EP400: variants seen among roughly 807,000 people sequenced by gnomAD.
EP400 encodes E1A-binding protein p400.
In EP400, 105 loss-of-function variants were observed where a neutral mutation model predicts 354.1. That is an observed-to-expected ratio of 0.30 (90% CI 0.25 to 0.35). The LOEUF is 0.35. EP400 is among the 10% of genes least tolerant of loss of function. The probability of loss-of-function intolerance (pLI) is 1.00; values close to 1 mark genes in which losing one functional copy is unlikely to be tolerated. For missense variants in EP400, 3,280 were observed against 4,121.0 expected, an observed-to-expected ratio of 0.80 and a Z score of 5.59; for synonymous variants, 1,646 against 1,716.9, an observed-to-expected ratio of 0.96 and a Z score of 1.02.
chr12:131,962,000 T>C (rs758168225), intron 2 of EP400, 46 bp downstream of exon 2: 20 of 1,556,896 alleles, frequency 1.3e-5, no homozygotes, highest in Non-Finnish European at 1.7e-5. Flanking sequence ...TTCTAGATGA[T>C]CAGAGTCTAT....
chr12:132,046,381 G>A (rs1853059336), intron 39 of EP400, among the ~76,000 whole-genome samples: 1 of 152,124 alleles, frequency 6.6e-6, no homozygotes, highest in Non-Finnish European at 1.5e-5. Context: ...GAAGGTTTTG[G>A]GTGAATGAAA....
chr12:131,999,201 G>A (rs1593336744), intron 12 of EP400, among the ~76,000 whole-genome samples: 3 of 151,966 alleles, frequency 2.0e-5, no homozygotes, highest in African/African-American at 4.8e-5. Context: ...TGAGCTCTCC[G>A]TGGTGTTTTT....
At chr12:131,966,615 A>C (rs1892097539) in intron 2 of EP400, among the ~76,000 whole-genome samples, 1 of 149,904 alleles carries the variant, frequency 6.7e-6, no homozygotes. Flanking sequence ...TAAAAATTAA[A>C]AAATTAGGCC....
chr12:132,008,942 T>TTTTTG (rs1893674665), intron 15 of EP400, among the ~76,000 whole-genome samples: 1 of 132,636 alleles, frequency 7.5e-6, no homozygotes, highest in African/African-American at 2.8e-5. Context: ...TTTTTTTTTT[T>TTTTTG]AGGAGCTGTT....
chr12:132,005,062 C>G lies in EP400; in HGVS notation c.2828-15C>G. ...GTTATAAAGTAACAGCCCTTCTGCC[C>G]GCAACCCTCTGCAGCTGAGCTGCCC... is the stretch of plus-strand genomic sequence containing the variant. On this transcript the variant is annotated splice_polypyrimidine_tract_variant and intron_variant, in intron 12 of 52. Transcript: ENST00000389561. 1 of 1,559,678 alleles carries G rather than the reference C, an allele frequency of 6.4e-7. No individual in the cohort carries two copies. Among genetic ancestry groups the G allele is most frequent in the Non-Finnish European group, 8.7e-7 (1 of 1,149,422 alleles).
chr12:132,001,900 C>T (rs112020174), intron 12 of EP400, among the ~76,000 whole-genome samples: 2,279 of 152,146 alleles, frequency 0.015, 53 homozygotes, highest in African/African-American at 0.052. Flanking sequence ...TAATGATATT[C>T]GTATATAATC....
Position 132,052,459 on chromosome 12 carries a change from G to A in EP400, c.7395-687G>A, listed in dbSNP as rs1206406284. Reference sequence around the variant, plus strand: ...TGAGTGTGCTGGCAGCCGCGCCCCAGCCCTTCACTTAACTGCCCTCGTGAG... The same window carrying A: ...TGAGTGTGCTGGCAGCCGCGCCCCAACCCTTCACTTAACTGCCCTCGTGAG... On this transcript the variant is annotated intron_variant, in intron 41 of 52. Coordinates refer to ENST00000389561, the MANE Select transcript of EP400 (RefSeq NM_015409.5). The surrounding 1 kb of genome is among the most constrained non-coding windows in gnomAD (Gnocchi z 4.4). Among the ~76,000 whole-genome samples the A allele has an allele frequency of 6.6e-6, 1 of 152,228 alleles. No homozygotes were observed. The highest frequency in any genetic ancestry group is 1.9e-4 in the East Asian group (1 of 5,188).
At chr12:132,058,352 G>GTTTTTTTTTTTTTTTTTTT in intron 45 of EP400, among the ~76,000 whole-genome samples, 3 of 138,246 alleles carry the variant, frequency 2.2e-5, no homozygotes, top group African/African-American at 9.5e-5. Flanking sequence ...CTAAAGATTG[G>GTTTTTTTTTTTTTTTTTTT]ATTTTTTTTT....
In EP400 at chr12:132,070,733, A is replaced by G. The variant is rs1896042450; in HGVS notation, c.9021+1092A>G. 6.6e-6 allele frequency among the ~76,000 whole-genome samples: 1 copy of G among 152,142 alleles called. No individual in the cohort carries two copies. Among genetic ancestry groups the G allele is most frequent in the Admixed American group, 6.5e-5 (1 of 15,278 alleles). ...TCTTTTGTTACTTAAGTCTTTTTTA[A>G]TGCCTTTTAATGAAGTTTTCTAATA... On this transcript the variant is annotated intron_variant, in intron 51 of 52. Coordinates refer to ENST00000389561, the MANE Select transcript of EP400 (RefSeq NM_015409.5). The surrounding 1 kb of genome is among the most constrained non-coding windows in gnomAD (Gnocchi z 4.1).
chr12:131,967,859 A>T lies in EP400; in HGVS notation c.1335+5905A>T, dbSNP rs191296170. 1.1e-3 allele frequency among the ~76,000 whole-genome samples: 162 copies of T among 152,160 alleles called. No individual in the cohort carries two copies. In the Middle Eastern group the frequency reaches 0.037, roughly 35 times the overall value. On this transcript the variant is annotated intron_variant, in intron 2 of 52. Transcript: ENST00000389561. ...AATCATTCCAGGTCTAGTTTATTTT[A>T]ATTTGGATGTCTCTGAAGACTAATA...
rs1565926543 is a variant in EP400 at position 132,043,377 on chromosome 12, C to T, written c.6281C>T (p.Thr2094Ile). The change falls in exon 33 of 53, where the codon ACT (threonine) becomes ATT (isoleucine). Residue 2094 changes from threonine to isoleucine, a missense_variant. Around this residue, in one of 20 missense-constraint regions of EP400, gnomAD observed 54 missense variants for 41.3 expected, o/e 1.31. Transcript: ENST00000389561. ...SAQEGVLGPH[T>I]DALSSDSENM... is the part of the protein sequence containing the mutation. ...CAGGAGGGGGTGCTGGGACCACACA[C>T]TGATGCTCTGTCATCAGACTCTGAG... The T allele has an allele frequency of 6.2e-7, 1 of 1,614,006 alleles. No homozygotes were observed. The highest frequency in any genetic ancestry group is 2.2e-5 in the East Asian group (1 of 44,880).
intron 12 of EP400, among the ~76,000 whole-genome samples, chr12:132,003,112 G>C (rs1893471384): frequency 1.3e-5 from 2 of 148,212 alleles, no homozygotes; most frequent in African/African-American, 2.6e-5. Context: ...TTGGGAGACT[G>C]AGGCAGGATG....
At position 132,044,657 on chromosome 12, in the gene EP400, C is replaced by T. The variant is rs367949789; in HGVS notation, c.6586-14C>T. 3.0e-5 allele frequency: 48 copies of T among 1,613,990 alleles called. No homozygotes were observed. The highest frequency in any genetic ancestry group is 1.0e-4 in the Admixed American group (6 of 60,002). On this transcript the variant is annotated splice_polypyrimidine_tract_variant and intron_variant, in intron 35 of 52. Coordinates refer to ENST00000389561, the MANE Select transcript of EP400 (RefSeq NM_015409.5). ...AGACTTGGTGGAAGTCAGAGCTTGCCGTGTTCCCTACAGGAGTATGTCTAC... is the reference window on the plus strand; with the variant it reads ...AGACTTGGTGGAAGTCAGAGCTTGCTGTGTTCCCTACAGGAGTATGTCTAC...
chr12:132,002,463 C>T (rs1169257870), intron 12 of EP400, among the ~76,000 whole-genome samples: 1 of 152,014 alleles, frequency 6.6e-6, no homozygotes, highest in Non-Finnish European at 1.5e-5. Flanking sequence ...GCTGTATACT[C>T]TGTGGGGCAG....
rs117865379 is a variant in EP400, at chr12:132,025,351, C to G, written c.4856-295C>G. Among the ~76,000 whole-genome samples, 1 of 152,154 alleles carries G rather than the reference C, an allele frequency of 6.6e-6. No individual in the cohort carries two copies. The highest frequency in any genetic ancestry group is 1.5e-5 in the Non-Finnish European group (1 of 68,038). On this transcript the variant is annotated intron_variant, in intron 24 of 52. Coordinates refer to ENST00000389561, the MANE Select transcript of EP400 (RefSeq NM_015409.5). The surrounding 1 kb of genome is among the most constrained non-coding windows in gnomAD (Gnocchi z 4.1). ...AGTGGGGATGTCCGCCTCAGTACCT[C>G]GAACAGCATGGCAGGTCCTCAGCAG...
At chr12:132,028,525 A>T (rs1894382071) in intron 27 of EP400, among the ~76,000 whole-genome samples, 1 of 152,192 alleles carries the variant, frequency 6.6e-6, no homozygotes, top group African/African-American at 2.4e-5. Context: ...CTGGGGGCAG[A>T]GCCGCAGCAC....
Position 132,050,979 on chromosome 12 carries a change from G to A in EP400, c.7394+324G>A. On this transcript the variant is annotated intron_variant, in intron 41 of 52. Transcript: ENST00000389561. The surrounding 1 kb of genome is among the most constrained non-coding windows in gnomAD (Gnocchi z 4.8). ...TTTCTTCCTCACACCCCACCTCTCAGGCACTGATTTTGTTCGCCATATCTT... is the reference window on the plus strand; with the variant it reads ...TTTCTTCCTCACACCCCACCTCTCAAGCACTGATTTTGTTCGCCATATCTT... 2.1e-6 allele frequency: 1 copy of A among 465,706 alleles called. No homozygotes were observed. Among genetic ancestry groups the A allele is most frequent in the Non-Finnish European group, 3.9e-6 (1 of 255,392 alleles). The allele number at this position is 465,706 out of a possible 1,614,324, so 28.8% of individuals were successfully genotyped here.
Position 132,043,425 on chromosome 12 carries a change from C to A in EP400, c.6329C>A (p.Pro2110Gln). The A allele has an allele frequency of 6.2e-7, 1 of 1,613,424 alleles. No individual in the cohort carries two copies. The highest frequency in any genetic ancestry group is 8.5e-7 in the Non-Finnish European group (1 of 1,180,020). ...DSENMPCDEEPSQLEELADFM... is the reference protein window; with the variant it reads ...DSENMPCDEEQSQLEELADFM... Reference sequence around the variant, plus strand: ...GAGAACATGCCGTGTGATGAAGAACCATCCCAATTAGAGGAGCTAGCTGAC... The same window carrying A: ...GAGAACATGCCGTGTGATGAAGAACAATCCCAATTAGAGGAGCTAGCTGAC... The change falls in exon 33 of 53, where the codon CCA (proline) becomes CAA (glutamine). Residue 2110 changes from proline (P) to glutamine (Q), a missense_variant. Transcript: ENST00000389561.
In EP400 at chr12:131,982,249, C is replaced by G; in HGVS notation, c.1700C>G (p.Pro567Arg). 1 of 1,614,144 alleles carries G rather than the reference C, an allele frequency of 6.2e-7. No individual in the cohort carries two copies. The highest frequency in any genetic ancestry group is 1.1e-5 in the South Asian group (1 of 91,082). Reference protein sequence around the residue: ...LPGRLPPAGVPTAALSSALQF... With the variant: ...LPGRLPPAGVRTAALSSALQF... The stretch of plus-strand genomic sequence containing the variant: ...GGGAGGCTGCCCCCAGCCGGTGTTC[C>G]CACTGCAGCCCTCTCCTCTGCGCTG... The change falls in exon 5 of 53, where the codon CCC becomes CGC. Residue 567 changes from proline (P) to arginine (R), a missense_variant. Pro to Arg is a moderately radical substitution (Grantham distance 103). This residue lies in a region of EP400 where 800 missense variants were observed against 840.0 expected (regional missense o/e 0.95). Coordinates refer to ENST00000389561, the MANE Select transcript of EP400 (RefSeq NM_015409.5).
Sources: gnomAD v4.1 joint callset for allele counts (sites outside exome capture counted in the v4.1 genomes callset) on GRCh38, gnomAD v4.1.1 for gene constraint, gnomAD v4.1.1 regional missense constraint, Gnocchi (gnomAD v3.1) non-coding constraint, MANE v1.5 for transcripts, NCBI Gene and HGNC (gene_info 2026-07-23, HGNC 2026-07-21) for gene names.